Variants in MICAL2 observed in about 807,000 individuals in gnomAD.
The protein encoded by MICAL2 is [F-actin]-monooxygenase MICAL2.
A neutral mutation model predicts 127.3 loss-of-function variants in MICAL2; 77 were observed. The ratio of observed to expected loss-of-function variants is 0.60; its 90% CI spans 0.50 to 0.73. MICAL2 has a LOEUF of 0.73. Ranked by LOEUF, MICAL2 falls within the 30% of genes least tolerant of loss-of-function variation. The pLI is 0.00. For missense variants in MICAL2, 1,351 were observed against 1,434.4 expected, an observed-to-expected ratio of 0.94 and a Z score of 0.94; for synonymous variants, 570 against 551.1, an observed-to-expected ratio of 1.03 and a Z score of -0.48.
rs146363254 is a variant in MICAL2, at chr11:12,242,368, C to T, written c.2492C>T (p.Pro831Leu). ...TTCGCTACCCTGCCTTCTACCCGCCCGAGGGCGCAGGCTCTTTCCGGGGTG... is the reference window on the plus strand; with the variant it reads ...TTCGCTACCCTGCCTTCTACCCGCCTGAGGGCGCAGGCTCTTTCCGGGGTG... ...ENFATLPSTR[P>L]RAQALSGVLW... The change falls in exon 19 of 28, where the codon CCG becomes CTG. Residue 831 changes from proline (P) to leucine (L), a missense_variant. By Grantham distance (98) the Pro-to-Leu change is moderately conservative. Around this residue, in one of 2 missense-constraint regions of MICAL2, gnomAD observed 752 missense variants for 719.4 expected, o/e 1.05. Transcript: ENST00000683283. 40 of 1,613,886 alleles carry T rather than the reference C, an allele frequency of 2.5e-5. No homozygotes were observed. The highest frequency in any genetic ancestry group is 9.3e-5 in the African/African-American group (7 of 74,924).
intron 21 of MICAL2, among the ~76,000 whole-genome samples, chr11:12,244,437 A>T (rs893419528): frequency 6.6e-6 from 1 of 152,270 alleles, no homozygotes; most frequent in Non-Finnish European, 1.5e-5. Flanking sequence ...GATGGGAAAT[A>T]GCACATTAGC....
At position 12,247,729 on chromosome 11, in the gene MICAL2, A is replaced by T. The variant is rs547778994; in HGVS notation, c.2785-1455A>T. ...CACATGCAGAATTTGGCAGAATCAC[A>T]ACCACCTCTAGGGAGAGAACTGGCT... On this transcript the variant is annotated intron_variant, in intron 21 of 27. Transcript: ENST00000683283. Among the ~76,000 whole-genome samples, 139 of 152,296 alleles carry T rather than the reference A, an allele frequency of 9.1e-4. 1 individual carries two copies. The highest frequency in any genetic ancestry group is 1.7e-3 in the Non-Finnish European group (116 of 68,032).
At chr11:12,113,572 G>A (rs932172468) in intron 1 of MICAL2, among the ~76,000 whole-genome samples, 2 of 152,202 alleles carry the variant, frequency 1.3e-5, no homozygotes, top group African/African-American at 2.4e-5. Flanking sequence ...TTCACCTTTC[G>A]AGGTTTCGGT....
At chr11:12,239,301 C>T in intron 16 of MICAL2, 135 bp from the exon 17 acceptor site, 7 of 1,233,416 alleles carry the variant, frequency 5.7e-6, no homozygotes, top group Non-Finnish European at 8.2e-6. Flanking sequence ...GCCCTGCTGC[C>T]TCTGCCTCCC....
At chr11:12,206,418 C>T (rs552710892) in intron 4 of MICAL2, among the ~76,000 whole-genome samples, 1 of 152,190 alleles carries the variant, frequency 6.6e-6, no homozygotes, top group Non-Finnish European at 1.5e-5. Flanking sequence ...AGCTCCAGTA[C>T]TTGTGAGAAA....
intron 3 of MICAL2, among the ~76,000 whole-genome samples, chr11:12,193,908 G>A (rs1859536188): frequency 6.6e-6 from 1 of 152,234 alleles, no homozygotes; most frequent in Admixed American, 6.5e-5. Context: ...AGCACATGCT[G>A]GCTATGTTAC....
chr11:12,324,092 G>A (rs1864330271), intron 31 of MICAL2: 1 of 1,601,862 alleles, frequency 6.2e-7, no homozygotes, highest in African/African-American at 1.4e-5. Context: ...AACTGGACAT[G>A]AGTGAGTGGG....
upstream of MICAL2, among the ~76,000 whole-genome samples, chr11:12,275,621 C>T (rs1194343659): frequency 6.6e-6 from 1 of 152,086 alleles, no homozygotes; most frequent in East Asian, 1.9e-4. Context: ...GTAGAATAGT[C>T]GAATAAGATG....
intron 16 of MICAL2, among the ~76,000 whole-genome samples, chr11:12,236,967 G>A (rs759370915): frequency 6.6e-6 from 1 of 152,194 alleles, no homozygotes; most frequent in African/African-American, 2.4e-5. Context: ...CATGAGGGAC[G>A]GTCTGTATAA....
At chr11:12,323,754 A>C (rs1345454292) in intron 30 of MICAL2, among the ~76,000 whole-genome samples, 1 of 152,164 alleles carries the variant, frequency 6.6e-6, no homozygotes, top group Non-Finnish European at 1.5e-5. Context: ...CACTCACTTC[A>C]AGTGTCCACT....
chr11:12,147,534 A>C (rs1853068067), intron 2 of MICAL2, among the ~76,000 whole-genome samples: 1 of 152,242 alleles, frequency 6.6e-6, no homozygotes, highest in South Asian at 2.1e-4. Context: ...ATAGAAAATA[A>C]ATTTAAAAAT....
rs141607287 is a variant in MICAL2, at chr11:12,251,803, G to A, written c.2847+2557G>A. Among the ~76,000 whole-genome samples, 42 of 152,232 alleles carry A rather than the reference G, an allele frequency of 2.8e-4. No homozygotes were observed. In the East Asian group the frequency reaches 7.6e-3, roughly 27 times the overall value. On this transcript the variant is annotated intron_variant, in intron 22 of 27. Transcript: ENST00000683283. ...GGCTGCACCTCCCAGCAACCTCGCA[G>A]CCCTCTGCATGCTTCAGTAATGCCT... is the stretch of plus-strand genomic sequence containing the variant.
At chr11:12,261,492 G>C (rs931210205) in intron 26 of MICAL2, 1 of 985,388 alleles carries the variant, frequency 1.0e-6, no homozygotes, top group Non-Finnish European at 1.2e-6. Flanking sequence ...CACAGCTGCA[G>C]GGTCTGGCTG....
intron 1 of MICAL2, among the ~76,000 whole-genome samples, chr11:12,130,736 G>A (rs1427935915): frequency 2.0e-5 from 3 of 152,148 alleles, no homozygotes; most frequent in African/African-American, 7.2e-5. Context: ...GGCTCTGAGG[G>A]TGGTGCTTCT....
downstream of MICAL2, among the ~76,000 whole-genome samples, chr11:12,290,021 C>A (rs927576056): frequency 6.6e-6 from 1 of 152,164 alleles, no homozygotes; most frequent in South Asian, 2.1e-4. Context: ...CTTCCAGGCT[C>A]CCCTTCACCA....
intron 18 of MICAL2, 171 bp from the exon 19 acceptor site, chr11:12,242,043 A>C: frequency 3.5e-6 from 2 of 568,232 alleles, no homozygotes; most frequent in Non-Finnish European, 3.1e-6. Flanking sequence ...AGGAGGCCAG[A>C]CAATTTTGAT....
At chr11:12,177,046 T>C (rs1856918529) in intron 3 of MICAL2, among the ~76,000 whole-genome samples, 1 of 152,230 alleles carries the variant, frequency 6.6e-6, no homozygotes, top group South Asian at 2.1e-4. Context: ...CTGGGTCAAA[T>C]GGTAATTCTA....
downstream of MICAL2, among the ~76,000 whole-genome samples, chr11:12,296,134 C>T (rs758748330): frequency 4.3e-4 from 65 of 151,860 alleles, no homozygotes; most frequent in Non-Finnish European, 5.3e-4. Context: ...TAGTCTATTC[C>T]CTTAGAGACA....
At chr11:12,269,959 G>C in intron 24 of MICAL2, among the ~76,000 whole-genome samples, 1 of 152,336 alleles carries the variant, frequency 6.6e-6, no homozygotes, top group Non-Finnish European at 1.5e-5. Context: ...CTGAAGATCC[G>C]TGGACTCCTG....
Sources: gnomAD v4.1 joint callset for allele counts (sites outside exome capture counted in the v4.1 genomes callset) on GRCh38, gnomAD v4.1.1 for gene constraint, gnomAD v4.1.1 regional missense constraint, MANE v1.5 for transcripts, NCBI Gene and HGNC (gene_info 2026-07-23, HGNC 2026-07-21) for gene names.